The following ACTN2 variants were observed in gnomAD, a reference collection of about 807,000 sequenced individuals.
ACTN2 encodes actinin alpha 2.
ACTN2 carries 39 observed loss-of-function variants against 113.8 expected under a neutral mutation model. The ratio of observed to expected loss-of-function variants is 0.34; its 90% confidence interval spans 0.27 to 0.45. The LOEUF is 0.45. Ranked by LOEUF, ACTN2 falls within the 20% of genes least tolerant of loss-of-function variation. The probability of loss-of-function intolerance (pLI) is 1.00; values close to 1 mark genes in which losing one functional copy is unlikely to be tolerated. For synonymous variants in ACTN2, 429 were observed against 444.1 expected, an observed-to-expected ratio of 0.97 and a Z score of 0.43; for missense variants, 992 against 1,177.9, an observed-to-expected ratio of 0.84 and a Z score of 2.31.
At chr1:236,753,850 C>A in intron 15 of ACTN2, 97 bp from the exon 16 acceptor site, 1 of 1,299,416 alleles carries the variant, frequency 7.7e-7, no homozygotes, top group Non-Finnish European at 1.1e-6. Flanking sequence ...TCCTTCTCCA[C>A]TCCCACCCCC....
At chr1:236,729,480 G>A (rs1156540565) in intron 6 of ACTN2, among the ~76,000 whole-genome samples, 2 of 152,186 alleles carry the variant, frequency 1.3e-5, no homozygotes, top group Non-Finnish European at 2.9e-5. Flanking sequence ...GTTTGGGCGT[G>A]GACTCCAGCC....
At chr1:236,713,051 G>A (rs890222579) in intron 1 of ACTN2, among the ~76,000 whole-genome samples, 7 of 150,986 alleles carry the variant, frequency 4.6e-5, no homozygotes, top group Non-Finnish European at 7.4e-5. Flanking sequence ...TGGGGCCTGG[G>A]GTGTATTTTA....
intron 12 of ACTN2, among the ~76,000 whole-genome samples, chr1:236,746,914 G>GAT (rs1159886640): frequency 1.3e-5 from 2 of 152,146 alleles, no homozygotes; most frequent in Admixed American, 6.5e-5. Context: ...CGCTATGTTA[G>GAT]ATAAAGTCAT....
At chr1:236,686,876 G>A in intron 1 of ACTN2, 77 bp downstream of exon 1, 3 of 1,297,646 alleles carry the variant, frequency 2.3e-6, no homozygotes, top group East Asian at 6.7e-5. Flanking sequence ...GTGGCCGCGT[G>A]GCCTGGCGAC....
At chr1:236,690,181 T>C (rs1666030550) in intron 1 of ACTN2, among the ~76,000 whole-genome samples, 1 of 152,176 alleles carries the variant, frequency 6.6e-6, no homozygotes. Flanking sequence ...GTTGCCATGT[T>C]GGGTCAGGCA....
chr1:236,738,493 C>T (rs186316922), intron 9 of ACTN2, among the ~76,000 whole-genome samples: 97 of 152,348 alleles, frequency 6.4e-4, no homozygotes, highest in Non-Finnish European at 1.3e-3. Context: ...AGACATGAAG[C>T]ATGGCCAGTA....
intron 15 of ACTN2, among the ~76,000 whole-genome samples, chr1:236,751,905 C>T (rs1380055489): frequency 6.6e-6 from 1 of 152,120 alleles, no homozygotes; most frequent in East Asian, 1.9e-4. Context: ...GACACAACCA[C>T]TGTAGGTTAT....
At chr1:236,726,993 A>G (rs1355684292) in intron 5 of ACTN2, among the ~76,000 whole-genome samples, 1 of 152,168 alleles carries the variant, frequency 6.6e-6, no homozygotes, top group Non-Finnish European at 1.5e-5. Context: ...CTCCTTCCCC[A>G]GACCCTTTGA....
intron 3 of ACTN2, 76 bp from the exon 4 acceptor site, chr1:236,720,029 A>ACGT: frequency 9.9e-7 from 1 of 1,009,048 alleles, no homozygotes; most frequent in Middle Eastern, 2.1e-4. Context: ...CTCTGAAGTC[A>ACGT]ACATTTATAT....
intron 1 of ACTN2, among the ~76,000 whole-genome samples, chr1:236,709,280 GTA>G (rs1197127072): frequency 2.3e-4 from 14 of 62,074 alleles, no homozygotes; most frequent in Admixed American, 5.7e-4. Context: ...ACATATATAT[GTA>G]TATATATGTA....
intron 6 of ACTN2, among the ~76,000 whole-genome samples, chr1:236,728,103 C>T (rs1409991381): frequency 6.6e-6 from 1 of 150,630 alleles, no homozygotes; most frequent in Non-Finnish European, 1.5e-5. Flanking sequence ...GAAGTGAAAC[C>T]TCTATTTTTG....
At chr1:236,732,775 A>G (rs925162515) in intron 7 of ACTN2, among the ~76,000 whole-genome samples, 1 of 152,158 alleles carries the variant, frequency 6.6e-6, no homozygotes, top group Non-Finnish European at 1.5e-5. Context: ...TACCAGTCAC[A>G]TTGCATTAAG....
At chr1:236,724,120 C>T (rs1658477459) in intron 4 of ACTN2, among the ~76,000 whole-genome samples, 1 of 144,992 alleles carries the variant, frequency 6.9e-6, no homozygotes, top group Non-Finnish European at 1.5e-5. Flanking sequence ...CCAGCATGGT[C>T]TGGTTCTGTG....
In ACTN2 at chr1:236,759,811, T is replaced by A. The variant is rs749769096; in HGVS notation, c.2367+22T>A. On this transcript the variant is annotated intron_variant, in intron 19 of 20. Coordinates refer to ENST00000366578, the MANE Select transcript of ACTN2 (RefSeq NM_001103.4). The stretch of plus-strand genomic sequence containing the variant: ...CCTGGTAAGACAGAAGTTGAAATTG[T>A]ACTAAGATTTGATATTTTATTGAAT... 2.1e-5 allele frequency: 34 copies of A among 1,599,532 alleles called. 1 individual carries two copies. In the Admixed American group the frequency reaches 5.7e-4, roughly 27 times the overall value.
chr1:236,757,493 G>C lies in ACTN2; in HGVS notation c.2162G>C (p.Arg721Pro), dbSNP rs546431200. ...KHTNYTMEHI[R>P]VGWELLLTTI... The stretch of plus-strand genomic sequence containing the variant: ...CCCCTTTTCCCTCAATAGCACATTC[G>C]TGTTGGATGGGAGCTGCTGCTGACA... The change falls in exon 18 of 21, where the codon CGT becomes CCT. Residue 721 changes from arginine to proline, a missense_variant. Around this residue, in one of 3 missense-constraint regions of ACTN2, gnomAD observed 736 missense variants for 815.4 expected, o/e 0.90. Coordinates refer to ENST00000366578, the MANE Select transcript of ACTN2 (RefSeq NM_001103.4). The C allele has an allele frequency of 6.2e-7, 1 of 1,614,084 alleles. No homozygotes were observed.
At chr1:236,715,695 C>G (rs151246033) in intron 1 of ACTN2, among the ~76,000 whole-genome samples, 126 of 152,238 alleles carry the variant, frequency 8.3e-4, no homozygotes, top group African/African-American at 2.9e-3. Flanking sequence ...GTGGCTCATG[C>G]CTGTAATCCC....
chr1:236,700,719 C>G (rs567350887), intron 1 of ACTN2, among the ~76,000 whole-genome samples: 1 of 152,292 alleles, frequency 6.6e-6, no homozygotes, highest in South Asian at 2.1e-4. Context: ...CCTCCACCAC[C>G]CCCGGAATAC....
chr1:236,734,076 C>T (rs707204), intron 7 of ACTN2, among the ~76,000 whole-genome samples: 110,936 of 152,014 alleles, frequency 0.73, 41,092 homozygotes, highest in Non-Finnish European at 0.79. Flanking sequence ...CCCCTGGGCC[C>T]TCCATGTGTG....
At chr1:236,697,299 C>T (rs1353028114) in intron 1 of ACTN2, among the ~76,000 whole-genome samples, 1 of 152,092 alleles carries the variant, frequency 6.6e-6, no homozygotes, top group Non-Finnish European at 1.5e-5. Flanking sequence ...GTATTCCAGC[C>T]TGGGCAACAG....
Sources: gnomAD v4.1 joint callset for allele counts (sites outside exome capture counted in the v4.1 genomes callset) on GRCh38, gnomAD v4.1.1 for gene constraint, gnomAD v4.1.1 regional missense constraint, MANE v1.5 for transcripts, NCBI Gene and HGNC (gene_info 2026-07-23, HGNC 2026-07-21) for gene names.